Variants in KIAA1210 observed in about 807,000 individuals in gnomAD.
The protein encoded by KIAA1210 is acrosomal protein KIAA1210.
In KIAA1210, 48 loss-of-function variants were observed where a neutral mutation model predicts 78.9. That is an observed-to-expected ratio of 0.61 (90% CI 0.48 to 0.77). The LOEUF is 0.77. Ranked by LOEUF, KIAA1210 falls within the 30% of genes least tolerant of loss-of-function variation. The pLI is 0.00. For synonymous variants in KIAA1210, 406 were observed against 404.5 expected (o/e 1.00, Z -0.04); for missense variants, 1,108 against 1,100.0 (o/e 1.01, Z -0.10).
chrX:119,093,107 G>C (rs950411624), intron 8 of KIAA1210, among the ~76,000 whole-genome samples: 2 of 112,184 alleles, frequency 1.8e-5, no homozygotes, highest in Non-Finnish European at 3.8e-5. Flanking sequence ...TTTGTTGTTT[G>C]GGGATTTGAT....
rs1032056388 is a variant in KIAA1210 at position 119,103,604 on chromosome X, C to T, written c.648+1388G>A. 9.0e-5 allele frequency among the ~76,000 whole-genome samples: 10 copies of T among 110,942 alleles called. 1 individual carries two copies. Among genetic ancestry groups the T allele is most frequent in the Non-Finnish European group, 1.1e-4 (6 of 52,897 alleles). On this transcript the variant is annotated intron_variant, in intron 6 of 11. Transcript: ENST00000691062. ...AGCAATTCCACTCCTAGGTATATAC[C>T]CAAAAGAATTGAAAACAGGTGTTCA...
intron 7 of KIAA1210, chrX:119,094,192 T>C (rs1927483945): frequency 2.0e-6 from 1 of 503,071 alleles, no homozygotes; most frequent in African/African-American, 2.3e-5. Flanking sequence ...CAAATTCAAA[T>C]CCTTTTTGGC....
chrX:119,139,637 A>G (rs754645423), intron 2 of KIAA1210, among the ~76,000 whole-genome samples: 6 of 111,725 alleles, frequency 5.4e-5, no homozygotes, highest in African/African-American at 2.0e-4. Context: ...GTTTCCCTAA[A>G]GTAGGGGATG....
chrX:119,120,934 C>A (rs997474022), intron 2 of KIAA1210, among the ~76,000 whole-genome samples: 14 of 110,946 alleles, frequency 1.3e-4, no homozygotes, highest in African/African-American at 3.3e-4. Flanking sequence ...TTGTGACAAC[C>A]CATTGCCAGA....
At chrX:119,111,872 G>A (rs975625981) in intron 3 of KIAA1210, among the ~76,000 whole-genome samples, 1 of 111,574 alleles carries the variant, frequency 9.0e-6, no homozygotes, top group African/African-American at 3.3e-5. Flanking sequence ...TGGATTTTTA[G>A]ATATGACACC....
intron 2 of KIAA1210, among the ~76,000 whole-genome samples, chrX:119,132,844 C>G (rs774778847): frequency 3.6e-5 from 4 of 111,601 alleles, no homozygotes; most frequent in Non-Finnish European, 7.5e-5. Flanking sequence ...CTATGTTGCC[C>G]AGGCTGGTCT....
chrX:119,130,676 C>A (rs1320732805), upstream of KIAA1210, among the ~76,000 whole-genome samples: 1 of 112,217 alleles, frequency 8.9e-6, no homozygotes, highest in African/African-American at 3.2e-5. Flanking sequence ...CAGTAAAAGA[C>A]CCTTCTGCAT....
upstream of KIAA1210, among the ~76,000 whole-genome samples, chrX:119,129,729 G>A (rs955305808): frequency 9.0e-6 from 1 of 111,285 alleles, no homozygotes; most frequent in Non-Finnish European, 1.9e-5. Context: ...TCCTAGCCAC[G>A]TGAACCGTGA....
At chrX:119,146,033 GCAATCA>G (rs1276207628) in intron 2 of KIAA1210, among the ~76,000 whole-genome samples, 1 of 111,932 alleles carries the variant, frequency 8.9e-6, no homozygotes, top group African/African-American at 3.2e-5. Context: ...AATGACAAGG[GCAATCA>G]CATCGCATTT....
intron 1 of KIAA1210, among the ~76,000 whole-genome samples, chrX:119,126,946 T>C (rs1277223414): frequency 9.0e-6 from 1 of 111,141 alleles, no homozygotes; most frequent in Admixed American, 9.6e-5. Context: ...TGGTGGTGCA[T>C]GCCTGTAGTC....
At chrX:119,105,653 T>C (rs754084060) in intron 5 of KIAA1210, among the ~76,000 whole-genome samples, 1 of 112,319 alleles carries the variant, frequency 8.9e-6, no homozygotes, top group East Asian at 2.8e-4. Flanking sequence ...TTGCTTATCT[T>C]AATCATGTCA....
At chrX:119,128,694 A>G (rs1383699482), upstream of KIAA1210, among the ~76,000 whole-genome samples, 1 of 110,321 alleles carries the variant, frequency 9.1e-6, no homozygotes, top group African/African-American at 3.3e-5. Context: ...TTATTTTTTG[A>G]GATGGAGTTT....
In KIAA1210 at chrX:119,087,542, A is replaced by G; in HGVS notation, c.3160T>C (p.Ser1054Pro). The change falls in exon 9 of 12, where the codon TCA becomes CCA. Residue 1054 changes from serine to proline, a missense_variant. Transcript: ENST00000691062. ...ACTTGGTGCTTGACTTCAGGCTTTG[A>G]TAAAGATTTGGAAGGAAGATTGGGA... ...LPPNLPSKSL[S>P]KPEVKHQVFS... The G allele has an allele frequency of 1.7e-6, 2 of 1,211,447 alleles. No homozygotes were observed. The highest frequency in any genetic ancestry group is 2.2e-6 in the Non-Finnish European group (2 of 895,383).
Position 119,105,022 on chromosome X carries a change from A to T in KIAA1210, c.618T>A (p.Ala206=), listed in dbSNP as rs1258664065. 8.3e-7 allele frequency: 1 copy of T among 1,208,012 alleles called. No individual in the cohort carries two copies. Among genetic ancestry groups the T allele is most frequent in the South Asian group, 1.8e-5 (1 of 56,409 alleles). The change falls in exon 6 of 12, where the codon GCT becomes GCA. Residue 206 remains alanine, a synonymous_variant. Transcript: ENST00000691062. ...DESPKNPQKK[A]LPHKSLTATQ... Reference sequence around the variant, plus strand: ...TCGCTGTCAAACTCTTATGTGGTAAAGCCTTCTTTTGTGGATTCTTAGGTG... The same window carrying T: ...TCGCTGTCAAACTCTTATGTGGTAATGCCTTCTTTTGTGGATTCTTAGGTG...
rs1258521000 is a variant in KIAA1210, at chrX:119,105,127, G to A, written c.513C>T (p.Arg171=). 8.3e-7 allele frequency: 1 copy of A among 1,206,110 alleles called. No individual in the cohort carries two copies. The highest frequency in any genetic ancestry group is 2.2e-5 in the Admixed American group (1 of 45,208). The change falls in exon 6 of 12, where the codon CGC becomes CGT. Residue 171 remains arginine (R), a synonymous_variant. Transcript: ENST00000691062. ...KITENPPSRR[R]RLSIIPPVIQ... ...TAACAGGTGGGATGATGCTGAGTCG[G>A]CGTCGGCGCGATGGTGGGTTCTGTC... is the stretch of plus-strand genomic sequence containing the variant.
chrX:119,149,809 G>A (rs923830656), intron 1 of KIAA1210, among the ~76,000 whole-genome samples: 7 of 110,898 alleles, frequency 6.3e-5, no homozygotes, highest in Admixed American at 5.8e-4. Flanking sequence ...AAGACAACTC[G>A]GAAAATTTAA....
chrX:119,134,352 T>C (rs1928864099), intron 2 of KIAA1210, among the ~76,000 whole-genome samples: 1 of 112,754 alleles, frequency 8.9e-6, no homozygotes, highest in Non-Finnish European at 1.9e-5. Context: ...GTATATATAC[T>C]GCATTTCCTT....
At chrX:119,150,811 G>A (rs936732382), upstream of KIAA1210, among the ~76,000 whole-genome samples, 1 of 112,720 alleles carries the variant, frequency 8.9e-6, no homozygotes, top group African/African-American at 3.2e-5. Context: ...GTCATTCCTC[G>A]CCGCCCGTTT....
rs746917992 is a variant in KIAA1210 at position 119,095,602 on chromosome X, G to A, written c.846+892C>T. Reference sequence around the variant, plus strand: ...GGGGTTTCTGCATGTTGGTCAGGCTGGTCTCACACTCCTGACCTCAGGTGA... The same window carrying A: ...GGGGTTTCTGCATGTTGGTCAGGCTAGTCTCACACTCCTGACCTCAGGTGA... On this transcript the variant is annotated intron_variant, in intron 7 of 11. Coordinates refer to ENST00000691062, the MANE Select transcript of KIAA1210 (RefSeq NM_001394962.1). 5.4e-5 allele frequency among the ~76,000 whole-genome samples: 6 copies of A among 111,275 alleles called. No homozygotes were observed. In the East Asian group the frequency reaches 1.4e-3, roughly 26 times the overall value.
Sources: allele counts gnomAD v4.1 joint callset (sites outside exome capture counted in the v4.1 genomes callset), GRCh38; gene constraint gnomAD v4.1.1; transcripts MANE v1.5; gene names NCBI Gene and HGNC (gene_info 2026-07-23, HGNC 2026-07-21).